The following ZNF483 variants were observed in gnomAD, a reference collection of about 807,000 sequenced individuals.
ZNF483 encodes zinc finger protein 483, also known as zinc finger protein HIT-10.
Under a neutral mutation model 28.6 loss-of-function variants are expected in ZNF483, and 9 were observed. The ratio of observed to expected loss-of-function variants is 0.32; its 90% CI spans 0.19 to 0.55. The LOEUF (loss-of-function observed/expected upper bound fraction) is 0.55. Among genes scored for constraint, ZNF483 ranks in the 20% least tolerant of loss-of-function variants. The pLI is 0.93. For synonymous variants in ZNF483, 322 were observed against 306.2 expected (o/e 1.05, Z -0.54); for missense variants, 675 against 871.7 (o/e 0.77, Z 2.84).
chr9:111,529,499 A>G (rs1005452236), intron 2 of ZNF483, among the ~76,000 whole-genome samples: 3 of 152,194 alleles, frequency 2.0e-5, no homozygotes, highest in African/African-American at 7.2e-5. Flanking sequence ...AATCTGGTGG[A>G]GTCAACTCTT....
intron 5 of ZNF483, chr9:111,563,172 A>G (rs1828386365): frequency 6.2e-7 from 1 of 1,613,966 alleles, no homozygotes; most frequent in Non-Finnish European, 8.5e-7. Context: ...GCATTCCCAT[A>G]AATGCAGCTG....
intron 5 of ZNF483, among the ~76,000 whole-genome samples, chr9:111,537,763 A>G (rs1827553483): frequency 6.6e-6 from 1 of 152,104 alleles, no homozygotes; most frequent in African/African-American, 2.4e-5. Flanking sequence ...AGTAGCTGGT[A>G]TTACAGGCAC....
intron 5 of ZNF483, among the ~76,000 whole-genome samples, chr9:111,566,948 G>A (rs1277530253): frequency 4.5e-4 from 69 of 152,046 alleles, no homozygotes; most frequent in Admixed American, 4.5e-3. Flanking sequence ...AACTAGCCAG[G>A]TGTGGTGGCA....
intron 2 of ZNF483, among the ~76,000 whole-genome samples, chr9:111,528,520 T>C (rs560375845): frequency 1.3e-5 from 2 of 152,300 alleles, no homozygotes; most frequent in Non-Finnish European, 2.9e-5. Flanking sequence ...TTTCAGGGAA[T>C]GTGGCTCGCC....
chr9:111,533,665 C>G, intron 3 of ZNF483, 74 bp from the exon 4 acceptor site: 2 of 1,438,950 alleles, frequency 1.4e-6, no homozygotes, highest in Non-Finnish European at 1.8e-6. Context: ...CCATAATAGC[C>G]TGTCTCAAAA....
At chr9:111,535,497 A>G (rs1827469569) in intron 5 of ZNF483, among the ~76,000 whole-genome samples, 2 of 152,256 alleles carry the variant, frequency 1.3e-5, no homozygotes, top group South Asian at 4.1e-4. Flanking sequence ...TGGATTTTTA[A>G]TATCTGGAAA....
intron 2 of ZNF483, chr9:111,528,102 C>T: frequency 1.6e-6 from 2 of 1,245,322 alleles, no homozygotes; most frequent in Non-Finnish European, 2.1e-6. Flanking sequence ...TAATTTCTTT[C>T]CCATCCCCTT....
In ZNF483 at chr9:111,544,970, A is replaced by C. The variant is rs978282897; in HGVS notation, c.*1800A>C. On this transcript the variant is annotated 3_prime_UTR_variant, in exon 6 of 6. Transcript: ENST00000309235. ...AGAGAGCTAAACCAGAAAACTCTTCACTTATGGAAGTAAAGCGATCCTTAA... is the reference window on the plus strand; with the variant it reads ...AGAGAGCTAAACCAGAAAACTCTTCCCTTATGGAAGTAAAGCGATCCTTAA... 6.6e-6 allele frequency among the ~76,000 whole-genome samples: 1 copy of C among 152,142 alleles called. No individual in the cohort carries two copies. Among genetic ancestry groups the C allele is most frequent in the Non-Finnish European group, 1.5e-5 (1 of 68,016 alleles).
At chr9:111,576,353 G>A in intron 5 of ZNF483, 2 of 1,613,842 alleles carry the variant, frequency 1.2e-6, no homozygotes, top group Non-Finnish European at 8.5e-7. Flanking sequence ...AGCTTTCCCT[G>A]GTCACTTGCA....
chr9:111,565,637 C>A (rs1388699671), intron 5 of ZNF483, among the ~76,000 whole-genome samples: 1 of 152,124 alleles, frequency 6.6e-6, no homozygotes, highest in African/African-American at 2.4e-5. Context: ...GATCCTCCCA[C>A]CTCAGCCTCC....
intron 5 of ZNF483, chr9:111,562,894 T>G: frequency 8.0e-7 from 1 of 1,257,506 alleles, no homozygotes; most frequent in Non-Finnish European, 1.0e-6. Context: ...CTACCACAAC[T>G]CAGAAGAAGC....
At position 111,544,943 on chromosome 9, in the gene ZNF483, AAAG is replaced by A. The variant is rs1827770811; in HGVS notation, c.*1775_*1777del. ...TTGAAATTGTGGGCACCTCCTATAA[AAAG>A]AGAGCTAAACCAGAAAACTCTTCAC... On this transcript the variant is annotated 3_prime_UTR_variant, in exon 6 of 6. Transcript: ENST00000309235. Among the ~76,000 whole-genome samples the A allele has an allele frequency of 6.6e-6, 1 of 152,192 alleles. No individual in the cohort carries two copies. The highest frequency in any genetic ancestry group is 2.1e-4 in the South Asian group (1 of 4,830).
chr9:111,558,761 A>AT (rs1228499799), downstream of ZNF483, among the ~76,000 whole-genome samples: 2 of 151,970 alleles, frequency 1.3e-5, no homozygotes, highest in African/African-American at 4.8e-5. Context: ...ACACATACCT[A>AT]TTTTTTTGTC....
rs1038369559 is a variant in ZNF483 at position 111,547,561 on chromosome 9, A to G, written c.*4391A>G. ...AATATATAAAGAACTTTTCAGATAA[A>G]TGATTTGCAAATACTTTCTTCCATT... On this transcript the variant is annotated 3_prime_UTR_variant, in exon 6 of 6. Coordinates refer to ENST00000309235, the MANE Select transcript of ZNF483 (RefSeq NM_133464.5). Among the ~76,000 whole-genome samples the G allele has an allele frequency of 6.6e-6, 1 of 152,168 alleles. No homozygotes were observed. The highest frequency in any genetic ancestry group is 1.5e-5 in the Non-Finnish European group (1 of 68,006).
At chr9:111,564,930 C>A (rs1423390075) in intron 5 of ZNF483, among the ~76,000 whole-genome samples, 2 of 151,922 alleles carry the variant, frequency 1.3e-5, no homozygotes, top group African/African-American at 4.8e-5. Flanking sequence ...TCGAGACCAG[C>A]CTGGCCAACA....
intron 5 of ZNF483, among the ~76,000 whole-genome samples, chr9:111,540,025 G>T (rs190231736): frequency 6.6e-6 from 1 of 152,206 alleles, no homozygotes; most frequent in East Asian, 1.9e-4. Context: ...CCAGCTACTT[G>T]GAAGGCTGAG....
Position 111,555,372 on chromosome 9 carries a change from A to G in ZNF483, c.*12202A>G, listed in dbSNP as rs563336653. Among the ~76,000 whole-genome samples the G allele has an allele frequency of 1.3e-5, 2 of 152,264 alleles. No individual in the cohort carries two copies. Among genetic ancestry groups the G allele is most frequent in the South Asian group, 4.1e-4 (2 of 4,826 alleles). On this transcript the variant is annotated 3_prime_UTR_variant, in exon 6 of 6. Coordinates refer to ENST00000309235, the MANE Select transcript of ZNF483 (RefSeq NM_133464.5). ...TTTCTCCCTACTTCCAGAAAACCTG[A>G]TGCCTCCACCTCCTAAATCTTTCCA... is the stretch of plus-strand genomic sequence containing the variant.
chr9:111,563,406 T>C, intron 5 of ZNF483: 1 of 546,170 alleles, frequency 1.8e-6, no homozygotes, highest in Non-Finnish European at 3.1e-6. Flanking sequence ...ACTTACACAG[T>C]ACATGTAAAA....
At chr9:111,536,268 C>T (rs1827498603) in intron 5 of ZNF483, among the ~76,000 whole-genome samples, 1 of 151,658 alleles carries the variant, frequency 6.6e-6, no homozygotes, top group African/African-American at 2.4e-5. Context: ...ACCTGTAATC[C>T]CAGCACTTTG....
Sources: allele counts gnomAD v4.1 joint callset (sites outside exome capture counted in the v4.1 genomes callset), GRCh38; gene constraint gnomAD v4.1.1; transcripts MANE v1.5; gene names NCBI Gene and HGNC (gene_info 2026-07-23, HGNC 2026-07-21).